The following CCDC178 variants were observed in gnomAD, a reference collection of about 807,000 sequenced individuals.
The protein encoded by CCDC178 is coiled-coil domain containing 178.
A neutral mutation model predicts 117.4 loss-of-function variants in CCDC178; 126 were observed. That is an observed-to-expected ratio of 1.07 (90% CI 0.93 to 1.24). The LOEUF (loss-of-function observed/expected upper bound fraction) is 1.24. Ranked by LOEUF, CCDC178 falls within the 50% of genes most tolerant of loss-of-function variation. The pLI, the probability that CCDC178 is intolerant of heterozygous loss-of-function variation, is 0.00. For synonymous variants in CCDC178, 283 were observed against 313.4 expected (o/e 0.90, Z 1.02); for missense variants, 1,030 against 986.9 (o/e 1.04, Z -0.59).
At chr18:33,286,245 G>A (rs1220940802) in intron 12 of CCDC178, among the ~76,000 whole-genome samples, 1 of 151,978 alleles carries the variant, frequency 6.6e-6, no homozygotes, top group East Asian at 1.9e-4. Flanking sequence ...AAAGTGCTGG[G>A]ATTACAGGCA....
intron 4 of CCDC178, among the ~76,000 whole-genome samples, chr18:33,394,200 T>G (rs1014871597): frequency 1.3e-5 from 2 of 152,020 alleles, no homozygotes. Flanking sequence ...CATAATTTAT[T>G]GAACCAATGA....
At chr18:33,216,496 C>T (rs2059166943) in intron 18 of CCDC178, among the ~76,000 whole-genome samples, 1 of 151,958 alleles carries the variant, frequency 6.6e-6, no homozygotes, top group Non-Finnish European at 1.5e-5. Context: ...GAATTGTTCC[C>T]CACATTCAGC....
intron 21 of CCDC178, among the ~76,000 whole-genome samples, chr18:33,037,191 ATTGTT>A (rs1229558309): frequency 1.3e-5 from 2 of 151,970 alleles, no homozygotes; most frequent in Non-Finnish European, 2.9e-5. Flanking sequence ...TTCTTGAAAA[ATTGTT>A]TTATTTACCA....
At chr18:33,304,164 T>G (rs1261606734) in intron 11 of CCDC178, among the ~76,000 whole-genome samples, 1 of 152,178 alleles carries the variant, frequency 6.6e-6, no homozygotes, top group Admixed American at 6.5e-5. Context: ...GTTGCTAAAT[T>G]CATTACTATT....
At chr18:33,066,626 C>T (rs1350329524) in intron 21 of CCDC178, among the ~76,000 whole-genome samples, 2 of 152,138 alleles carry the variant, frequency 1.3e-5, no homozygotes, top group Admixed American at 6.5e-5. Flanking sequence ...TCTGAAAAGA[C>T]ACATGTAAAT....
intron 12 of CCDC178, among the ~76,000 whole-genome samples, chr18:33,282,189 C>T (rs748526805): frequency 1.3e-4 from 20 of 152,138 alleles, no homozygotes; most frequent in Non-Finnish European, 2.6e-4. Context: ...GCTCTTGCCA[C>T]GGGCCTCTGA....
chr18:33,366,970 G>A (rs1406210593), intron 6 of CCDC178, among the ~76,000 whole-genome samples: 1 of 152,044 alleles, frequency 6.6e-6, no homozygotes, highest in Non-Finnish European at 1.5e-5. Flanking sequence ...ATGTTAAGTG[G>A]CAAAAATGTT....
In CCDC178 at chr18:33,303,769, T is replaced by C. The variant is rs988988897; in HGVS notation, c.1023-10457A>G. Among the ~76,000 whole-genome samples the C allele has an allele frequency of 2.0e-5, 3 of 152,008 alleles. No individual in the cohort carries two copies. In the East Asian group the frequency reaches 5.8e-4, roughly 29 times the overall value. On this transcript the variant is annotated intron_variant, in intron 11 of 22. Coordinates refer to ENST00000383096, the MANE Select transcript of CCDC178 (RefSeq NM_001105528.4). ...ATCTGCATCTTCTGAGAACCAGACA[T>C]CATGAAAGCATTACAAGTTCAAGGA...
intron 16 of CCDC178, 99 bp downstream of exon 16, chr18:33,226,694 C>T: frequency 1.4e-6 from 1 of 729,898 alleles, no homozygotes; most frequent in South Asian, 2.1e-5. Flanking sequence ...GGCTTGCAAA[C>T]CAAGTAGTGA....
chr18:33,047,459 T>C (rs573316018), intron 21 of CCDC178, among the ~76,000 whole-genome samples: 125 of 152,310 alleles, frequency 8.2e-4, no homozygotes, highest in African/African-American at 2.8e-3. Flanking sequence ...AGCTTCCCAA[T>C]TGAGGCCTCT....
intron 20 of CCDC178, among the ~76,000 whole-genome samples, chr18:33,202,730 C>T (rs141086074): frequency 0.01 from 1,590 of 152,258 alleles, 19 homozygotes; most frequent in Middle Eastern, 0.031. Flanking sequence ...ATTGATCTTG[C>T]TATACAGCTC....
intron 12 of CCDC178, among the ~76,000 whole-genome samples, chr18:33,281,400 A>T (rs1364451611): frequency 1.3e-5 from 2 of 152,172 alleles, no homozygotes; most frequent in East Asian, 3.8e-4. Flanking sequence ...ACACCTCTAG[A>T]TTGAAACAAT....
At chr18:33,147,626 C>A (rs1424355136) in intron 20 of CCDC178, among the ~76,000 whole-genome samples, 2 of 151,770 alleles carry the variant, frequency 1.3e-5, no homozygotes, top group African/African-American at 4.8e-5. Context: ...CTTGCACCAC[C>A]CTTAATCCAT....
At chr18:33,037,965 T>G (rs1383099650) in intron 21 of CCDC178, among the ~76,000 whole-genome samples, 1 of 151,984 alleles carries the variant, frequency 6.6e-6, no homozygotes, top group African/African-American at 2.4e-5. Flanking sequence ...ATGTAACAAT[T>G]TGAATTTCTC....
intron 11 of CCDC178, among the ~76,000 whole-genome samples, chr18:33,310,524 C>T (rs1251111281): frequency 6.6e-6 from 1 of 151,676 alleles, no homozygotes; most frequent in Admixed American, 6.6e-5. Flanking sequence ...CCCATCGCTA[C>T]AAGAAACAAA....
chr18:33,220,990 C>G (rs896902800), intron 18 of CCDC178, among the ~76,000 whole-genome samples: 30 of 151,938 alleles, frequency 2.0e-4, no homozygotes, highest in African/African-American at 6.8e-4. Context: ...CCCACAAAGC[C>G]CTGCGTACCA....
At chr18:33,179,710 T>C (rs1303307777) in intron 20 of CCDC178, among the ~76,000 whole-genome samples, 1 of 151,998 alleles carries the variant, frequency 6.6e-6, no homozygotes, top group Non-Finnish European at 1.5e-5. Flanking sequence ...TGCATCTAGA[T>C]TGGCTTGTAA....
At chr18:33,244,788 G>A (rs2059527526) in intron 15 of CCDC178, among the ~76,000 whole-genome samples, 1 of 151,914 alleles carries the variant, frequency 6.6e-6, no homozygotes, top group Non-Finnish European at 1.5e-5. Context: ...AAGCATGTGA[G>A]CAATTATTTC....
chr18:33,103,863 G>A (rs1465779079), intron 20 of CCDC178, among the ~76,000 whole-genome samples: 1 of 151,732 alleles, frequency 6.6e-6, no homozygotes, highest in Admixed American at 6.6e-5. Context: ...CAGCATAGGT[G>A]TCCATTCATT....
Sources: gnomAD v4.1 joint callset for allele counts (sites outside exome capture counted in the v4.1 genomes callset) on GRCh38, gnomAD v4.1.1 for gene constraint, MANE v1.5 for transcripts, NCBI Gene and HGNC (gene_info 2026-07-23, HGNC 2026-07-21) for gene names.